The following CTNNA3 variants were observed in gnomAD, a reference collection of about 807,000 sequenced individuals.
CTNNA3 encodes the protein catenin alpha 3, also known as catenin alpha-3.
In CTNNA3, 76 loss-of-function variants were observed where a neutral mutation model predicts 95.7. That is an observed-to-expected ratio of 0.79 (90% CI 0.66 to 0.96). The LOEUF (loss-of-function observed/expected upper bound fraction) is 0.96, where lower values mean the gene tolerates loss of function less well. CTNNA3 is among the 40% of genes least tolerant of loss of function. The probability of loss-of-function intolerance (pLI) is 0.00; values close to 1 mark genes in which losing one functional copy is unlikely to be tolerated. For missense variants in CTNNA3, 1,191 were observed against 1,089.8 expected, an observed-to-expected ratio of 1.09 and a Z score of -1.31; for synonymous variants, 431 against 374.4, an observed-to-expected ratio of 1.15 and a Z score of -1.74.
intron 13 of CTNNA3, among the ~76,000 whole-genome samples, chr10:66,104,244 T>C (rs2081787325): frequency 1.3e-5 from 2 of 152,206 alleles, no homozygotes; most frequent in South Asian, 4.1e-4. Context: ...CTGCCAAGTG[T>C]TTCCTAGCCC....
At chr10:66,116,836 A>G (rs1370921617) in intron 13 of CTNNA3, among the ~76,000 whole-genome samples, 2 of 152,128 alleles carry the variant, frequency 1.3e-5, no homozygotes, top group African/African-American at 4.8e-5. Context: ...GACAGAGCCA[A>G]GGGGGAAGCG....
At chr10:66,901,306 G>A (rs955115117) in intron 7 of CTNNA3, among the ~76,000 whole-genome samples, 4 of 152,004 alleles carry the variant, frequency 2.6e-5, no homozygotes, top group Non-Finnish European at 5.9e-5. Flanking sequence ...AAATAAAATC[G>A]TTTACAGATA....
At chr10:67,242,777 C>A (rs1427515884) in intron 5 of CTNNA3, among the ~76,000 whole-genome samples, 1 of 152,182 alleles carries the variant, frequency 6.6e-6, no homozygotes, top group Non-Finnish European at 1.5e-5. Flanking sequence ...TGAGGAGCAA[C>A]TCCAAGGCAG....
rs143119999 is a variant in CTNNA3, at chr10:67,035,514, T to A, written c.1047+144803A>T. Among the ~76,000 whole-genome samples the A allele has an allele frequency of 4.0e-3, 611 of 152,240 alleles. 4 individuals are homozygous for A. Among genetic ancestry groups the A allele is most frequent in the African/African-American group, 0.014 (583 of 41,524 alleles). Reference sequence around the variant, plus strand: ...AGAAAGTAAAGAATATAGGAGAAAGTTTACTTGTTTTTTAATGTGAATCAG... The same window carrying A: ...AGAAAGTAAAGAATATAGGAGAAAGATTACTTGTTTTTTAATGTGAATCAG... On this transcript the variant is annotated intron_variant, in intron 7 of 17. Coordinates refer to ENST00000433211, the MANE Select transcript of CTNNA3 (RefSeq NM_013266.4).
chr10:66,672,883 C>A (rs771694094), intron 9 of CTNNA3, among the ~76,000 whole-genome samples: 21 of 152,110 alleles, frequency 1.4e-4, no homozygotes, highest in Non-Finnish European at 2.8e-4. Flanking sequence ...TTCTTTCATG[C>A]AGTCTATATT....
intron 5 of CTNNA3, among the ~76,000 whole-genome samples, chr10:67,292,419 CAAAGT>C (rs1268814869): frequency 2.0e-5 from 3 of 151,942 alleles, no homozygotes; most frequent in Non-Finnish European, 4.4e-5. Context: ...CGAGTCCCAA[CAAAGT>C]AAAGTGGGAA....
intron 9 of CTNNA3, among the ~76,000 whole-genome samples, chr10:66,642,242 T>A (rs970181655): frequency 1.3e-5 from 2 of 149,088 alleles, no homozygotes; most frequent in African/African-American, 5.0e-5. Flanking sequence ...AAAATGTTGA[T>A]ATTTCTTTAA....
intron 9 of CTNNA3, among the ~76,000 whole-genome samples, chr10:66,693,387 G>A (rs1847633812): frequency 6.8e-6 from 1 of 146,874 alleles, no homozygotes; most frequent in Admixed American, 6.7e-5. Context: ...ATGGTAAAGG[G>A]ATCAATTCAA....
intron 5 of CTNNA3, among the ~76,000 whole-genome samples, chr10:67,270,896 A>T (rs1838946537): frequency 6.6e-6 from 1 of 152,210 alleles, no homozygotes; most frequent in African/African-American, 2.4e-5. Context: ...TATATGTAGA[A>T]ATTTGACAAT....
At position 65,917,431 on chromosome 10, in the gene CTNNA3, T is replaced by C. The variant is rs757062458; in HGVS notation, c.*2899A>G. 20 of 149,810 alleles carry C rather than the reference T, an allele frequency of 1.3e-4. No homozygotes were observed. Among genetic ancestry groups the C allele is most frequent in the Non-Finnish European group, 2.4e-4 (16 of 67,780 alleles). 9.3% of individuals were successfully genotyped at this position (149,810 alleles called of 1,614,324 possible). A position where few individuals can be genotyped will look rare whatever the true frequency, so the allele number is the denominator to read the frequency against. ...GATAGAAATCTTCAAATTTCTCTAA[T>C]TAGAAGGCCATTTAGTGGATTATTA... On this transcript the variant is annotated 3_prime_UTR_variant, in exon 18 of 18. Coordinates refer to ENST00000433211, the MANE Select transcript of CTNNA3 (RefSeq NM_013266.4).
At chr10:66,635,938 CT>C (rs1455064927) in intron 9 of CTNNA3, among the ~76,000 whole-genome samples, 1 of 151,588 alleles carries the variant, frequency 6.6e-6, no homozygotes, top group Admixed American at 6.6e-5. Context: ...GAGAAAGCCC[CT>C]TGTCTCTGAG....
intron 10 of CTNNA3, among the ~76,000 whole-genome samples, chr10:66,546,884 C>G (rs1452184372): frequency 2.6e-5 from 4 of 152,124 alleles, no homozygotes; most frequent in Non-Finnish European, 5.9e-5. Flanking sequence ...TTTGATATGT[C>G]CCATGGAGTA....
chr10:66,537,419 C>T (rs1841698502), intron 10 of CTNNA3, among the ~76,000 whole-genome samples: 2 of 152,018 alleles, frequency 1.3e-5, no homozygotes, highest in Non-Finnish European at 2.9e-5. Context: ...CATTCATTAA[C>T]CTTGGAAAAT....
At chr10:66,683,376 A>AT (rs1468932751) in intron 9 of CTNNA3, among the ~76,000 whole-genome samples, 2 of 152,206 alleles carry the variant, frequency 1.3e-5, no homozygotes, top group Non-Finnish European at 2.9e-5. Flanking sequence ...ATTCTAGAAC[A>AT]TTAACTACTG....
chr10:67,163,256 T>C (rs181741033), intron 7 of CTNNA3, among the ~76,000 whole-genome samples: 132 of 152,110 alleles, frequency 8.7e-4, no homozygotes, highest in Non-Finnish European at 5.7e-4. Flanking sequence ...ATATGTAAAA[T>C]GAATTGTATA....
intron 11 of CTNNA3, among the ~76,000 whole-genome samples, chr10:66,419,586 A>G (rs2093174962): frequency 6.6e-6 from 1 of 152,174 alleles, no homozygotes; most frequent in East Asian, 1.9e-4. Context: ...ATCCAAAGCA[A>G]TCCTGAGCAA....
chr10:66,102,319 T>C (rs1380623938), intron 14 of CTNNA3, among the ~76,000 whole-genome samples: 2 of 152,232 alleles, frequency 1.3e-5, no homozygotes, highest in Non-Finnish European at 2.9e-5. Context: ...GAAGTTACTA[T>C]GAACTAGGCA....
At chr10:66,765,386 A>AT (rs757330469) in intron 9 of CTNNA3, among the ~76,000 whole-genome samples, 1 of 152,290 alleles carries the variant, frequency 6.6e-6, no homozygotes, top group African/African-American at 2.4e-5. Flanking sequence ...CAGTCAAAAC[A>AT]TTTAATAACC....
intron 12 of CTNNA3, among the ~76,000 whole-genome samples, chr10:66,362,092 C>T (rs1037197133): frequency 7.3e-6 from 1 of 137,850 alleles, no homozygotes; most frequent in Non-Finnish European, 1.5e-5. Flanking sequence ...GAGGTTCATA[C>T]ACAATTTTTT....
Sources: gnomAD v4.1 joint callset for allele counts (sites outside exome capture counted in the v4.1 genomes callset) on GRCh38, gnomAD v4.1.1 for gene constraint, MANE v1.5 for transcripts, NCBI Gene and HGNC (gene_info 2026-07-23, HGNC 2026-07-21) for gene names.